The following DAOA variants were observed in gnomAD, a reference collection of about 807,000 sequenced individuals.
DAOA encodes the protein D-amino acid oxidase activator.
A neutral mutation model predicts 16.4 loss-of-function variants in DAOA; 15 were observed. The ratio of observed to expected loss-of-function variants is 0.91; its 90% CI spans 0.61 to 1.41. DAOA has a LOEUF of 1.41. Among genes scored for constraint, DAOA ranks in the 40% most tolerant of loss-of-function variants. The probability of loss-of-function intolerance (pLI) is 0.00; values close to 1 mark genes in which losing one functional copy is unlikely to be tolerated. For missense variants in DAOA, 230 were observed against 176.8 expected (o/e 1.30, Z -1.71); for synonymous variants, 75 against 59.1 (o/e 1.27, Z -1.23).
intron 4 of DAOA, among the ~76,000 whole-genome samples, chr13:105,488,414 T>C (rs1594121255): frequency 6.6e-6 from 1 of 152,340 alleles, no homozygotes; most frequent in Non-Finnish European, 1.5e-5. Context: ...AGAGGACATG[T>C]ACACACAATG....
At chr13:105,483,319 G>T (rs904020763) in intron 4 of DAOA, among the ~76,000 whole-genome samples, 2 of 152,166 alleles carry the variant, frequency 1.3e-5, no homozygotes, top group Non-Finnish European at 2.9e-5. Context: ...AATTTGTGTA[G>T]AAGTCTTATA....
At chr13:105,466,943 A>G in intron 2 of DAOA, 110 bp from the exon 3 acceptor site, 8 of 1,307,616 alleles carry the variant, frequency 6.1e-6, no homozygotes, top group Non-Finnish European at 7.9e-6. Flanking sequence ...TAAAAATATG[A>G]AAGTGCTAAA....
At chr13:105,468,669 A>G (rs1294313038) in intron 3 of DAOA, among the ~76,000 whole-genome samples, 2 of 152,218 alleles carry the variant, frequency 1.3e-5, no homozygotes. Flanking sequence ...ATAATTAGAA[A>G]CAATTTTCAT....
At chr13:105,483,558 G>A (rs1337593524) in intron 4 of DAOA, among the ~76,000 whole-genome samples, 1 of 152,078 alleles carries the variant, frequency 6.6e-6, no homozygotes, top group Non-Finnish European at 1.5e-5. Flanking sequence ...TTAAAAAAGA[G>A]GGCAGTGCTA....
Position 105,466,292 on chromosome 13 carries a change from C to T in DAOA, c.4C>T (p.Leu2=). The change falls in exon 2 of 6, where the codon CTG becomes TTG. Residue 2 remains leucine, a synonymous_variant. Transcript: ENST00000375936. ...GATTTAGCTGGGAGGACCCAAAATG[C>T]TGGAAAAGCTGATGGGTGCTGATTC... M[L]EKLMGADSLQ... 6.2e-7 allele frequency: 1 copy of T among 1,613,924 alleles called. No individual in the cohort carries two copies. Among genetic ancestry groups the T allele is most frequent in the African/African-American group, 1.3e-5 (1 of 75,016 alleles).
intron 4 of DAOA, among the ~76,000 whole-genome samples, chr13:105,480,100 T>C (rs2139190176): frequency 6.6e-6 from 1 of 152,290 alleles, no homozygotes; most frequent in Non-Finnish European, 1.5e-5. Context: ...TAACACATAG[T>C]ATTTATCATT....
rs565806265 is a variant in DAOA at position 105,472,085 on chromosome 13, A to C, written c.134-453A>C. Among the ~76,000 whole-genome samples the C allele has an allele frequency of 7.2e-5, 11 of 152,350 alleles. No homozygotes were observed. In the South Asian group the frequency reaches 2.3e-3, roughly 32 times the overall value. On this transcript the variant is annotated intron_variant, in intron 3 of 5. Coordinates refer to ENST00000375936, the MANE Select transcript of DAOA (RefSeq NM_172370.5). ...AACACCGGAGGAAAGGCCCCTTGACAGGGAAAAGGAATCTTCCCAACAGTC... is the reference window on the plus strand; with the variant it reads ...AACACCGGAGGAAAGGCCCCTTGACCGGGAAAAGGAATCTTCCCAACAGTC...
intron 4 of DAOA, among the ~76,000 whole-genome samples, chr13:105,482,481 C>G (rs1877811416): frequency 1.3e-5 from 2 of 150,786 alleles, no homozygotes; most frequent in Admixed American, 1.3e-4. Flanking sequence ...CTTTTGCCAG[C>G]TCCTCTGCTT....
chr13:105,466,958 A>T, intron 2 of DAOA, 95 bp from the exon 3 acceptor site: 1 of 1,433,064 alleles, frequency 7.0e-7, no homozygotes. Flanking sequence ...GCTAAACCAT[A>T]CATGTTATAT....
intron 4 of DAOA, among the ~76,000 whole-genome samples, chr13:105,483,710 A>T (rs1016456717): frequency 6.6e-6 from 1 of 151,290 alleles, no homozygotes; most frequent in Non-Finnish European, 1.5e-5. Flanking sequence ...TTGAACATTG[A>T]GGTTTCTTTA....
Position 105,490,981 on chromosome 13 carries a change from C to A in DAOA, c.*181C>A, listed in dbSNP as rs563929988. 6.6e-6 allele frequency: 1 copy of A among 152,194 alleles called. No individual in the cohort carries two copies. Among genetic ancestry groups the A allele is most frequent in the Admixed American group, 6.5e-5 (1 of 15,274 alleles). 9.4% of individuals were successfully genotyped at this position (152,194 alleles called of 1,614,324 possible). On this transcript the variant is annotated 3_prime_UTR_variant, in exon 6 of 6. Transcript: ENST00000375936. ...ATGCCATTTCTATGCACCCACCTGG[C>A]CTGTGTGACTGGGAGAATCTCTCTT... is the stretch of plus-strand genomic sequence containing the variant.
At chr13:105,474,158 T>G (rs1453580973) in intron 4 of DAOA, among the ~76,000 whole-genome samples, 1 of 152,114 alleles carries the variant, frequency 6.6e-6, no homozygotes. Context: ...AGTAATGAAA[T>G]TATTTATTTA....
chr13:105,478,372 G>C (rs935403461), intron 4 of DAOA, among the ~76,000 whole-genome samples: 1 of 152,194 alleles, frequency 6.6e-6, no homozygotes. Context: ...GTATCGAGGA[G>C]TGCTGAAACC....
At chr13:105,473,027 G>A (rs961854002) in intron 4 of DAOA, among the ~76,000 whole-genome samples, 14 of 151,974 alleles carry the variant, frequency 9.2e-5, no homozygotes, top group Non-Finnish European at 2.9e-5. Flanking sequence ...AAGCATCTTG[G>A]GTGATAATGT....
At chr13:105,488,659 C>T (rs903532901) in intron 4 of DAOA, among the ~76,000 whole-genome samples, 26 of 152,076 alleles carry the variant, frequency 1.7e-4, no homozygotes, top group African/African-American at 6.3e-4. Context: ...GACAATGATT[C>T]AAGAAGCACA....
In DAOA at chr13:105,489,950, T is replaced by C; in HGVS notation, c.331T>C (p.Tyr111His). Reference protein sequence around the residue: ...HVGKVFMARNYEFLAYEASKD... With the variant: ...HVGKVFMARNHEFLAYEASKD... The stretch of plus-strand genomic sequence containing the variant: ...TGGAAAAGTCTTCATGGCAAGAAAC[T>C]ATGAGTTCCTTGCCTATGAGGCCTC... Residue 111 changes from tyrosine to histidine, a missense_variant, in exon 5 of 6, where the codon TAT (tyrosine) becomes CAT (histidine). Physicochemically the swap from Tyr to His is moderately conservative, Grantham distance 83. Coordinates refer to ENST00000375936, the MANE Select transcript of DAOA (RefSeq NM_172370.5). 1 of 1,613,824 alleles carries C rather than the reference T, an allele frequency of 6.2e-7. No individual in the cohort carries two copies. Among genetic ancestry groups the C allele is most frequent in the Non-Finnish European group, 8.5e-7 (1 of 1,179,884 alleles).
chr13:105,476,161 C>T (rs533882106), intron 4 of DAOA, among the ~76,000 whole-genome samples: 70 of 152,060 alleles, frequency 4.6e-4, no homozygotes, highest in Non-Finnish European at 7.9e-4. Flanking sequence ...TTTTAACTCA[C>T]GATGTGGGAA....
In DAOA at chr13:105,468,336, G is replaced by C. The variant is rs147962697; in HGVS notation, c.133+1195G>C. ...GAAGTTTCTGCCTACCACAGCCCTT[G>C]ATAGCATAATTAAAACATTGATTTT... is the stretch of plus-strand genomic sequence containing the variant. On this transcript the variant is annotated intron_variant, in intron 3 of 5. Transcript: ENST00000375936. Among the ~76,000 whole-genome samples, 3 of 152,280 alleles carry C rather than the reference G, an allele frequency of 2.0e-5. No homozygotes were observed. The East Asian group carries it at 5.8e-4, about 29-fold the overall frequency.
chr13:105,468,752 G>A (rs1013458697), intron 3 of DAOA, among the ~76,000 whole-genome samples: 2 of 152,328 alleles, frequency 1.3e-5, no homozygotes, highest in African/African-American at 4.8e-5. Context: ...AGGAAAACAA[G>A]CTTATTGTCT....
Sources: allele counts gnomAD v4.1 joint callset (sites outside exome capture counted in the v4.1 genomes callset), GRCh38; gene constraint gnomAD v4.1.1; transcripts MANE v1.5; gene names NCBI Gene and HGNC (gene_info 2026-07-23, HGNC 2026-07-21).